The following LSAMP variants were observed in gnomAD, a reference collection of about 807,000 sequenced individuals.
LSAMP encodes the protein limbic system-associated membrane protein.
A neutral mutation model predicts 38.6 loss-of-function variants in LSAMP; 7 were observed. That is an observed-to-expected ratio of 0.18 (90% CI 0.10 to 0.34). The LOEUF is 0.34. Ranked by LOEUF, LSAMP falls within the 10% of genes least tolerant of loss-of-function variation. The pLI is 1.00. For missense variants in LSAMP, 313 were observed against 420.0 expected, an observed-to-expected ratio of 0.75 and a Z score of 2.23; for synonymous variants, 154 against 166.8, an observed-to-expected ratio of 0.92 and a Z score of 0.59.
At chr3:116,046,216 C>A (rs1394112989) in intron 2 of LSAMP, among the ~76,000 whole-genome samples, 3 of 152,136 alleles carry the variant, frequency 2.0e-5, no homozygotes, top group African/African-American at 7.2e-5. Context: ...GGCTACATTG[C>A]CTTTGGGTTG....
chr3:116,310,620 G>A (rs1357884824), intron 1 of LSAMP, among the ~76,000 whole-genome samples: 1 of 152,096 alleles, frequency 6.6e-6, no homozygotes, highest in East Asian at 1.9e-4. Flanking sequence ...TCCAGAGCTG[G>A]CCTTTGAAGT....
intron 1 of LSAMP, among the ~76,000 whole-genome samples, chr3:116,359,597 G>T (rs762622681): frequency 2.8e-4 from 43 of 151,998 alleles, no homozygotes; most frequent in Non-Finnish European, 5.1e-4. Context: ...TTTAAGTTCA[G>T]GGGTACATGT....
intron 3 of LSAMP, among the ~76,000 whole-genome samples, chr3:115,947,022 A>G (rs1485292339): frequency 1.3e-5 from 2 of 152,124 alleles, no homozygotes; most frequent in African/African-American, 4.8e-5. Flanking sequence ...GTAATTCACC[A>G]TATTAACAGA....
chr3:115,815,017 T>C (rs527960087), intron 6 of LSAMP, among the ~76,000 whole-genome samples: 577 of 152,230 alleles, frequency 3.8e-3, no homozygotes, highest in African/African-American at 0.013. Context: ...GTGAATGAAC[T>C]GGGGATTAAA....
At position 116,019,499 on chromosome 3, in the gene LSAMP, C is replaced by T. The variant is rs1489593576; in HGVS notation, c.514+16G>A. 4 of 1,609,984 alleles carry T rather than the reference C, an allele frequency of 2.5e-6. No individual in the cohort carries two copies. In the African/African-American group the frequency reaches 5.3e-5, roughly 22 times the overall value. ...TAAACAGCATGTGGCATATTGGAAC[C>T]TGGAGTATTGCTTACCAGTTGGTGT... On this transcript the variant is annotated intron_variant, in intron 3 of 6. Coordinates refer to ENST00000490035, the MANE Select transcript of LSAMP (RefSeq NM_002338.5).
chr3:115,945,069 T>C (rs1938050745), intron 3 of LSAMP, among the ~76,000 whole-genome samples: 1 of 152,198 alleles, frequency 6.6e-6, no homozygotes. Flanking sequence ...ATTCCATCTT[T>C]GAGTAATCTC....
At chr3:116,339,854 A>G (rs1278486745) in intron 1 of LSAMP, among the ~76,000 whole-genome samples, 1 of 152,026 alleles carries the variant, frequency 6.6e-6, no homozygotes, top group East Asian at 1.9e-4. Context: ...AGATATTACC[A>G]GTTACCAACC....
At chr3:116,221,332 C>A (rs1203093354) in intron 1 of LSAMP, among the ~76,000 whole-genome samples, 1 of 152,068 alleles carries the variant, frequency 6.6e-6, no homozygotes, top group African/African-American at 2.4e-5. Context: ...TTAACTCTTG[C>A]CCAAGTTAAC....
At chr3:116,346,095 A>G (rs1425549040) in intron 1 of LSAMP, among the ~76,000 whole-genome samples, 1 of 152,204 alleles carries the variant, frequency 6.6e-6, no homozygotes, top group Non-Finnish European at 1.5e-5. Context: ...AAATTACTAT[A>G]TATCCTAAAA....
chr3:116,404,531 G>A (rs923486588), intron 1 of LSAMP, among the ~76,000 whole-genome samples: 5 of 152,080 alleles, frequency 3.3e-5, no homozygotes, highest in Non-Finnish European at 7.4e-5. Context: ...GAATGTGGTG[G>A]GTAGACGAAT....
At position 115,912,690 on chromosome 3, in the gene LSAMP, A is replaced by G. The variant is rs145738972; in HGVS notation, c.515-60073T>C. ...TTGTTTGTTTGTTTTCCCCTGTGGTATTTGGCTGGTCTAGTGTGGTTATTG... is the reference window on the plus strand; with the variant it reads ...TTGTTTGTTTGTTTTCCCCTGTGGTGTTTGGCTGGTCTAGTGTGGTTATTG... On this transcript the variant is annotated intron_variant, in intron 3 of 6. Transcript: ENST00000490035. 1.5e-3 allele frequency among the ~76,000 whole-genome samples: 234 copies of G among 152,234 alleles called. 4 individuals carry two copies. In the East Asian group the frequency reaches 0.04, roughly 26 times the overall value.
chr3:115,897,787 T>A (rs766877883), intron 3 of LSAMP, among the ~76,000 whole-genome samples: 2 of 152,110 alleles, frequency 1.3e-5, no homozygotes, highest in Non-Finnish European at 2.9e-5. Flanking sequence ...ACTGACTCAC[T>A]TTCTGTTAGA....
chr3:116,090,083 G>C (rs920668461), intron 1 of LSAMP, among the ~76,000 whole-genome samples: 9 of 151,270 alleles, frequency 5.9e-5, no homozygotes, highest in Non-Finnish European at 1.2e-4. Context: ...GCACGGTGGC[G>C]CATGCCTGTA....
intron 1 of LSAMP, among the ~76,000 whole-genome samples, chr3:116,129,151 C>T (rs1709071064): frequency 6.6e-6 from 1 of 151,920 alleles, no homozygotes; most frequent in South Asian, 2.1e-4. Flanking sequence ...GAATCATTCG[C>T]AATGAGGAGT....
In LSAMP at chr3:115,930,002, G is replaced by GTTTTTTTTT. The variant is rs1170325465; in HGVS notation, c.515-77394_515-77386dup. On this transcript the variant is annotated intron_variant, in intron 3 of 6. Coordinates refer to ENST00000490035, the MANE Select transcript of LSAMP (RefSeq NM_002338.5). The stretch of plus-strand genomic sequence containing the variant: ...ATCCAGATCTATAAATTTAGCAGAA[G>GTTTTTTTTT]TTTTTTTTTTTTTTTTTTTTTTTTG... 9.8e-3 allele frequency among the ~76,000 whole-genome samples: 788 copies of GTTTTTTTTT among 80,286 alleles called. 164 individuals carry two copies. Among genetic ancestry groups the GTTTTTTTTT allele is most frequent in the Middle Eastern group, 0.017 (1 of 58 alleles). 52.7% of individuals were successfully genotyped at this position (80,286 alleles called of 152,430 possible). A position where few individuals can be genotyped will look rare whatever the true frequency, so the allele number is the denominator to read the frequency against.
chr3:116,116,018 ATTTTTTTTTTCT>A (rs1708735531), intron 1 of LSAMP, among the ~76,000 whole-genome samples: 3 of 130,484 alleles, frequency 2.3e-5, no homozygotes, highest in African/African-American at 5.5e-5. Flanking sequence ...ATTTCCTCTC[ATTTTTTTTTTCT>A]TTTTTTTTCT....
chr3:115,828,156 C>T (rs567096911), intron 6 of LSAMP, among the ~76,000 whole-genome samples: 2 of 152,138 alleles, frequency 1.3e-5, no homozygotes, highest in South Asian at 2.1e-4. Context: ...TTGGTTTTGT[C>T]TGAAAGATGT....
At chr3:116,051,556 A>C (rs1428878109) in intron 2 of LSAMP, among the ~76,000 whole-genome samples, 1 of 152,044 alleles carries the variant, frequency 6.6e-6, no homozygotes, top group East Asian at 1.9e-4. Flanking sequence ...TACTTTGGAG[A>C]GATATCAGGA....
At chr3:115,892,110 G>A (rs1413067841) in intron 3 of LSAMP, among the ~76,000 whole-genome samples, 1 of 151,860 alleles carries the variant, frequency 6.6e-6, no homozygotes, top group African/African-American at 2.4e-5. Flanking sequence ...TCAGAAGCTG[G>A]TCAATGAAAA....
Sources: gnomAD v4.1 joint callset for allele counts (sites outside exome capture counted in the v4.1 genomes callset) on GRCh38, gnomAD v4.1.1 for gene constraint, MANE v1.5 for transcripts, NCBI Gene and HGNC (gene_info 2026-07-23, HGNC 2026-07-21) for gene names.